The following SLC4A10 variants were observed in gnomAD, a reference collection of about 807,000 sequenced individuals.
SLC4A10 encodes solute carrier family 4 member 10.
In SLC4A10, 42 loss-of-function variants were observed where a neutral mutation model predicts 137.7. The observed-to-expected ratio is 0.30, with a 90% CI of 0.24 to 0.39. The LOEUF is 0.39. Ranked by LOEUF, SLC4A10 falls within the 10% of genes least tolerant of loss-of-function variation. The pLI is 1.00. For missense variants in SLC4A10, 925 were observed against 1,355.0 expected, an observed-to-expected ratio of 0.68 and a Z score of 4.98; for synonymous variants, 474 against 464.1, an observed-to-expected ratio of 1.02 and a Z score of -0.27.
intron 3 of SLC4A10, among the ~76,000 whole-genome samples, chr2:161,811,449 C>T (rs1234133391): frequency 6.6e-6 from 1 of 151,884 alleles, no homozygotes. Context: ...TCCATTTTCT[C>T]CTTGCCTCCA....
chr2:161,879,704 A>G (rs1001863673), intron 9 of SLC4A10, among the ~76,000 whole-genome samples: 2 of 152,040 alleles, frequency 1.3e-5, no homozygotes, highest in African/African-American at 4.8e-5. Context: ...GTTTGCTTAC[A>G]CTTGAATAAG....
chr2:161,848,917 G>A, intron 4 of SLC4A10, among the ~76,000 whole-genome samples: 1 of 151,974 alleles, frequency 6.6e-6, no homozygotes, highest in East Asian at 1.9e-4. Context: ...TTTGAAAAAT[G>A]TGCACTTTTT....
In SLC4A10 at chr2:161,903,948, G is replaced by A; in HGVS notation, c.1443-56G>A. The A allele has an allele frequency of 2.0e-6, 3 of 1,492,988 alleles. No homozygotes were observed. The African/African-American group carries it at 4.2e-5, about 21-fold the overall frequency. 92.5% of individuals were successfully genotyped at this position (1,492,988 alleles called of 1,614,324 possible). On this transcript the variant is annotated intron_variant, in intron 12 of 26. Transcript: ENST00000446997. ...TGGCAACAAAGCAAATGAGCATTTTGACTTGTGTGTTTTTTATATTTGGGT... is the reference window on the plus strand; with the variant it reads ...TGGCAACAAAGCAAATGAGCATTTTAACTTGTGTGTTTTTTATATTTGGGT...
intron 1 of SLC4A10, among the ~76,000 whole-genome samples, chr2:161,722,397 G>A (rs184016153): frequency 2.6e-5 from 4 of 152,276 alleles, no homozygotes; most frequent in Admixed American, 2.6e-4. Context: ...TTGCTGTTTT[G>A]TTGTTTTCTG....
chr2:161,736,422 A>C (rs1409094277), intron 1 of SLC4A10, among the ~76,000 whole-genome samples: 1 of 152,196 alleles, frequency 6.6e-6, no homozygotes, highest in Non-Finnish European at 1.5e-5. Flanking sequence ...TGCTATGGAG[A>C]AAAATCTGAG....
chr2:161,665,603 A>G (rs2038947722), intron 1 of SLC4A10, among the ~76,000 whole-genome samples: 3 of 151,780 alleles, frequency 2.0e-5, no homozygotes, highest in Non-Finnish European at 4.4e-5. Context: ...TTGAATGTAT[A>G]GTAGTAGACA....
intron 3 of SLC4A10, among the ~76,000 whole-genome samples, chr2:161,830,049 G>A (rs1259056650): frequency 1.3e-5 from 2 of 151,752 alleles, no homozygotes; most frequent in East Asian, 1.9e-4. Flanking sequence ...TGAGGACACA[G>A]CCCAACCATA....
At chr2:161,800,889 A>T (rs1376315264) in intron 2 of SLC4A10, among the ~76,000 whole-genome samples, 2 of 152,104 alleles carry the variant, frequency 1.3e-5, no homozygotes, top group East Asian at 3.9e-4. Context: ...GGTCGCAGGA[A>T]CAAGAATGAC....
intron 3 of SLC4A10, among the ~76,000 whole-genome samples, chr2:161,816,461 A>G (rs879515955): frequency 7.2e-5 from 11 of 151,878 alleles, no homozygotes; most frequent in Non-Finnish European, 1.6e-4. Context: ...TTTTGGAAAA[A>G]CGTTTGAATT....
Position 161,855,028 on chromosome 2 carries a change from G to A in SLC4A10, c.475G>A (p.Val159Met). 6.2e-7 allele frequency: 1 copy of A among 1,613,446 alleles called. No individual in the cohort carries two copies. Among genetic ancestry groups the A allele is most frequent in the Non-Finnish European group, 8.5e-7 (1 of 1,179,608 alleles). The change falls in exon 5 of 27, where the codon GTG becomes ATG. Residue 159 changes from valine to methionine, a missense_variant. Val to Met is a conservative substitution (Grantham distance 21). Coordinates refer to ENST00000446997, the MANE Select transcript of SLC4A10 (RefSeq NM_001178015.2). ...AGGAGAAAGGTGGAGCAAGCCTTATGTGGCTACTCTTTCATTGCACAGCTT... is the reference window on the plus strand; with the variant it reads ...AGGAGAAAGGTGGAGCAAGCCTTATATGGCTACTCTTTCATTGCACAGCTT... ...DGGERWSKPY[V>M]ATLSLHSLFE... is the part of the protein sequence containing the mutation.
chr2:161,923,293 T>G (rs765652445), intron 15 of SLC4A10, among the ~76,000 whole-genome samples: 4 of 152,198 alleles, frequency 2.6e-5, no homozygotes, highest in Non-Finnish European at 5.9e-5. Flanking sequence ...GCACCACAAG[T>G]GAAAATTATT....
At chr2:161,750,082 G>T (rs1324338859) in intron 1 of SLC4A10, among the ~76,000 whole-genome samples, 1 of 151,412 alleles carries the variant, frequency 6.6e-6, no homozygotes, top group Non-Finnish European at 1.5e-5. Context: ...TATTTCTGAG[G>T]TCTGTTATAA....
chr2:161,863,654 A>G (rs1195821770), intron 6 of SLC4A10, among the ~76,000 whole-genome samples: 6 of 152,178 alleles, frequency 3.9e-5, no homozygotes, highest in African/African-American at 1.4e-4. Context: ...CCCACTTACT[A>G]TCTTCATAAA....
intron 22 of SLC4A10, among the ~76,000 whole-genome samples, chr2:161,964,837 T>G (rs770951265): frequency 6.6e-6 from 1 of 152,158 alleles, no homozygotes. Flanking sequence ...GACTCCCATA[T>G]TGGTTAAAAT....
intron 1 of SLC4A10, among the ~76,000 whole-genome samples, chr2:161,746,601 A>G (rs970981325): frequency 2.0e-5 from 3 of 151,982 alleles, no homozygotes; most frequent in African/African-American, 7.2e-5. Context: ...GCTGGTACCC[A>G]AGTTACCAAA....
At chr2:161,626,926 A>G (rs1296669375) in intron 1 of SLC4A10, among the ~76,000 whole-genome samples, 1 of 152,154 alleles carries the variant, frequency 6.6e-6, no homozygotes, top group Non-Finnish European at 1.5e-5. Context: ...GACTTTGCAA[A>G]TAATTTTGTG....
chr2:161,933,881 A>G (rs2105674005), intron 15 of SLC4A10, among the ~76,000 whole-genome samples: 1 of 152,224 alleles, frequency 6.6e-6, no homozygotes, highest in East Asian at 1.9e-4. Context: ...AGGTCTATTA[A>G]TTTTTTGAAG....
chr2:161,715,596 G>A (rs929284581), intron 1 of SLC4A10, among the ~76,000 whole-genome samples: 4 of 151,976 alleles, frequency 2.6e-5, no homozygotes, highest in African/African-American at 7.3e-5. Context: ...GTGGTATTTG[G>A]TTTTCTGTTC....
intron 1 of SLC4A10, among the ~76,000 whole-genome samples, chr2:161,756,678 A>T (rs751562243): frequency 2.6e-5 from 4 of 152,100 alleles, no homozygotes; most frequent in Non-Finnish European, 5.9e-5. Flanking sequence ...TTTGGCCCAG[A>T]TGTTACATAT....
Sources: gnomAD v4.1 joint callset for allele counts (sites outside exome capture counted in the v4.1 genomes callset) on GRCh38, gnomAD v4.1.1 for gene constraint, MANE v1.5 for transcripts, NCBI Gene and HGNC (gene_info 2026-07-23, HGNC 2026-07-21) for gene names.